Variants in DOCK3 observed in about 807,000 individuals in gnomAD.
DOCK3 encodes dedicator of cytokinesis protein 3.
In DOCK3, 60 loss-of-function variants were observed where a neutral mutation model predicts 265.6. That is an observed-to-expected ratio of 0.23 (90% confidence interval 0.18 to 0.28). The LOEUF is 0.28. Ranked by LOEUF, DOCK3 falls within the 10% of genes least tolerant of loss-of-function variation. The pLI is 1.00. For synonymous variants in DOCK3, 881 were observed against 938.0 expected (o/e 0.94, Z 1.11); for missense variants, 1,981 against 2,594.3 (o/e 0.76, Z 5.14).
At chr3:50,677,618 C>T (rs1398530266) in intron 1 of DOCK3, among the ~76,000 whole-genome samples, 1 of 152,166 alleles carries the variant, frequency 6.6e-6, no homozygotes, top group Non-Finnish European at 1.5e-5. Flanking sequence ...CTTACACTTA[C>T]TTCCTACCAA....
chr3:50,995,947 G>T (rs116453951), intron 5 of DOCK3, among the ~76,000 whole-genome samples: 2,364 of 151,520 alleles, frequency 0.016, 24 homozygotes, highest in Non-Finnish European at 0.025. Context: ...CCCAGGCTGG[G>T]GTGCAGTGGT....
chr3:50,889,928 C>T, intron 3 of DOCK3, 98 bp from the exon 4 acceptor site: 1 of 955,144 alleles, frequency 1.0e-6, no homozygotes, highest in Non-Finnish European at 1.4e-6. Context: ...AGGAGATCTA[C>T]TATGTTTCTG....
chr3:50,908,074 TATC>T (rs1436231790), intron 4 of DOCK3, among the ~76,000 whole-genome samples: 3 of 152,050 alleles, frequency 2.0e-5, no homozygotes, highest in Non-Finnish European at 4.4e-5. Context: ...ATATCCCTGT[TATC>T]ATTAATAATT....
At chr3:51,339,111 G>T (rs1047916790) in intron 37 of DOCK3, 83 bp downstream of exon 37, 12 of 1,189,800 alleles carry the variant, frequency 1.0e-5, no homozygotes, top group Non-Finnish European at 1.3e-5. Context: ...AAGGCTTCAG[G>T]CTGGTGCCTG....
At chr3:51,334,057 G>A (rs992493565) in intron 35 of DOCK3, among the ~76,000 whole-genome samples, 2 of 151,892 alleles carry the variant, frequency 1.3e-5, no homozygotes, top group Admixed American at 1.3e-4. Flanking sequence ...TGTTGCCCAG[G>A]CTGGTCTCAA....
chr3:50,717,457 A>G (rs966651763), intron 1 of DOCK3, among the ~76,000 whole-genome samples: 1 of 152,054 alleles, frequency 6.6e-6, no homozygotes, highest in Admixed American at 6.5e-5. Flanking sequence ...CCATATATTT[A>G]TGTATGTGTG....
At chr3:50,861,122 T>A (rs1173049454) in intron 3 of DOCK3, among the ~76,000 whole-genome samples, 1 of 152,128 alleles carries the variant, frequency 6.6e-6, no homozygotes, top group Admixed American at 6.5e-5. Context: ...GCTCATTCAC[T>A]CACCACTTTG....
intron 12 of DOCK3, among the ~76,000 whole-genome samples, chr3:51,193,647 G>A (rs2088086373): frequency 6.6e-6 from 1 of 151,908 alleles, no homozygotes; most frequent in South Asian, 2.1e-4. Flanking sequence ...ATCTTGATAG[G>A]TTGTATGTTT....
intron 2 of DOCK3, among the ~76,000 whole-genome samples, chr3:50,784,217 T>C (rs1158099375): frequency 1.3e-5 from 2 of 152,234 alleles, no homozygotes; most frequent in East Asian, 3.8e-4. Flanking sequence ...GTTTCATTCT[T>C]CTACATGTGA....
intron 1 of DOCK3, among the ~76,000 whole-genome samples, chr3:50,686,749 A>G (rs994612574): frequency 9.2e-5 from 14 of 151,494 alleles, no homozygotes; most frequent in African/African-American, 2.4e-4. Flanking sequence ...TCTCTACTAA[A>G]AATACAAAAA....
In DOCK3 at chr3:51,354,977, G is replaced by A. The variant is rs769088670; in HGVS notation, c.4203G>A (p.Gln1401=). ...LSEFPQAVAM[Q]HPNHPDDAIL... is the part of the protein sequence containing the mutation. ...AGTTTCCGCAGGCTGTCGCCATGCA[G>A]CACCCCAACCATCCTGATGACGCCA... Residue 1401 remains glutamine (Q), a synonymous_variant, in exon 41 of 53, where the codon CAG becomes CAA. Transcript: ENST00000266037. The A allele has an allele frequency of 3.7e-6, 6 of 1,613,920 alleles. No individual in the cohort carries two copies. In the South Asian group the frequency reaches 4.4e-5, roughly 12 times the overall value.
At chr3:51,101,136 C>T (rs562482929) in intron 9 of DOCK3, among the ~76,000 whole-genome samples, 7 of 106,118 alleles carry the variant, frequency 6.6e-5, no homozygotes, top group African/African-American at 3.7e-5. Context: ...TTTTTTGAGA[C>T]GGAGTCTCAC....
intron 5 of DOCK3, among the ~76,000 whole-genome samples, chr3:51,006,137 T>G (rs1172512578): frequency 1.3e-5 from 2 of 152,170 alleles, no homozygotes; most frequent in Admixed American, 6.5e-5. Flanking sequence ...GTTATCTTCA[T>G]AGCTCATTCT....
chr3:51,250,730 A>C (rs911268538), intron 22 of DOCK3, among the ~76,000 whole-genome samples: 1 of 152,334 alleles, frequency 6.6e-6, no homozygotes. Context: ...GGATTTGGGA[A>C]AGCTTCTCTG....
chr3:51,330,307 G>T, intron 33 of DOCK3, 84 bp downstream of exon 33: 1 of 1,356,614 alleles, frequency 7.4e-7, no homozygotes, highest in Non-Finnish European at 1.0e-6. Context: ...AACTGCACTG[G>T]CAGGCTTTAG....
At chr3:51,257,325 T>G (rs1039044316) in intron 22 of DOCK3, among the ~76,000 whole-genome samples, 1 of 152,214 alleles carries the variant, frequency 6.6e-6, no homozygotes, top group Non-Finnish European at 1.5e-5. Flanking sequence ...ATACTTCTCA[T>G]TCCAGTATCA....
intron 1 of DOCK3, among the ~76,000 whole-genome samples, chr3:50,711,264 CTTT>C (rs34839295): frequency 4.3e-5 from 6 of 139,844 alleles, no homozygotes; most frequent in Non-Finnish European, 7.8e-5. Flanking sequence ...TTGCTTAGTC[CTTT>C]TTTTTTTTTT....
At position 51,381,103 on chromosome 3, in the gene DOCK3, C is replaced by T. The variant is rs782753395; in HGVS notation, c.5637C>T (p.Asp1879=). The change falls in exon 53 of 53, where the codon GAC becomes GAT. Residue 1879 remains aspartate, a synonymous_variant. Transcript: ENST00000266037. This position sits in a 1 kb window ranked among gnomAD's most constrained non-coding sequence, Gnocchi z 5.6. The part of the protein sequence containing the change: ...ASPTSPQSGL[D]GSNSTLSGSA... The stretch of plus-strand genomic sequence containing the variant: ...CCACAAGCCCCCAGTCAGGTCTGGA[C>T]GGCAGCAACTCTACGCTGTCCGGCA... 8.1e-6 allele frequency: 13 copies of T among 1,613,238 alleles called. No homozygotes were observed. The highest frequency in any genetic ancestry group is 4.5e-5 in the East Asian group (2 of 44,872).
At chr3:51,008,830 G>C (rs541555228) in intron 5 of DOCK3, among the ~76,000 whole-genome samples, 65 of 152,238 alleles carry the variant, frequency 4.3e-4, no homozygotes, top group African/African-American at 1.5e-3. Context: ...AGCATGAAGG[G>C]CTGTTGAATT....
Sources: gnomAD v4.1 joint callset for allele counts (sites outside exome capture counted in the v4.1 genomes callset) on GRCh38, gnomAD v4.1.1 for gene constraint, Gnocchi (gnomAD v3.1) non-coding constraint, MANE v1.5 for transcripts, NCBI Gene and HGNC (gene_info 2026-07-23, HGNC 2026-07-21) for gene names.